PCSK5: variants seen among roughly 807,000 people sequenced by gnomAD.
PCSK5 encodes proprotein convertase subtilisin/kexin type 5.
Under a neutral mutation model 233.2 loss-of-function variants are expected in PCSK5, and 129 were observed. The observed-to-expected ratio is 0.55, with a 90% CI of 0.48 to 0.64. PCSK5 has a LOEUF of 0.64. PCSK5 is among the 30% of genes least tolerant of loss of function. The pLI is 0.00. For synonymous variants in PCSK5, 825 were observed against 879.2 expected (o/e 0.94, Z 1.09); for missense variants, 2,076 against 2,430.1 (o/e 0.85, Z 3.06).
intron 1 of PCSK5, among the ~76,000 whole-genome samples, chr9:75,905,646 A>AG (rs1197671830): frequency 1.3e-5 from 2 of 152,192 alleles, no homozygotes; most frequent in African/African-American, 4.8e-5. Context: ...GTGGCCTGTT[A>AG]GGAACCAGGC....
At chr9:75,941,790 G>C (rs767916677) in intron 2 of PCSK5, among the ~76,000 whole-genome samples, 1 of 152,090 alleles carries the variant, frequency 6.6e-6, no homozygotes, top group Admixed American at 6.5e-5. Flanking sequence ...TGTGGGTGCC[G>C]GGTCCACTGT....
intron 22 of PCSK5, among the ~76,000 whole-genome samples, chr9:76,236,299 A>G (rs1226846877): frequency 6.6e-6 from 1 of 152,130 alleles, no homozygotes; most frequent in Admixed American, 6.5e-5. Context: ...GACATCCAAT[A>G]TCATCATGCT....
intron 20 of PCSK5, among the ~76,000 whole-genome samples, chr9:76,220,807 A>G (rs966632189): frequency 6.6e-6 from 1 of 152,162 alleles, no homozygotes; most frequent in African/African-American, 2.4e-5. Flanking sequence ...TTTCAAGTAC[A>G]TGATACATTG....
chr9:75,976,311 C>A (rs189874580), intron 2 of PCSK5, among the ~76,000 whole-genome samples: 5 of 104,214 alleles, frequency 4.8e-5, no homozygotes, highest in African/African-American at 1.5e-4. Flanking sequence ...CACACACACA[C>A]ACACACACAC....
intron 5 of PCSK5, among the ~76,000 whole-genome samples, chr9:76,027,937 C>T (rs576651518): frequency 5.3e-5 from 8 of 152,264 alleles, no homozygotes; most frequent in African/African-American, 1.9e-4. Context: ...TTCTAATCTG[C>T]TTTTTTCTTT....
intron 20 of PCSK5, among the ~76,000 whole-genome samples, chr9:76,208,684 T>A (rs939136972): frequency 2.6e-5 from 4 of 152,228 alleles, no homozygotes; most frequent in Non-Finnish European, 5.9e-5. Flanking sequence ...TTTAACTCTC[T>A]AATCTTTGCA....
At chr9:76,095,512 T>C (rs1361308394) in intron 7 of PCSK5, among the ~76,000 whole-genome samples, 2 of 152,186 alleles carry the variant, frequency 1.3e-5, no homozygotes, top group Admixed American at 1.3e-4. Flanking sequence ...CTTAACTTCC[T>C]TTTAAAAAAA....
Position 76,350,872 on chromosome 9 carries a change from C to T in PCSK5, c.5011C>T (p.Leu1671Phe). The T allele has an allele frequency of 5.0e-6, 8 of 1,609,998 alleles. No homozygotes were observed. Among genetic ancestry groups the T allele is most frequent in the Non-Finnish European group, 6.8e-6 (8 of 1,177,786 alleles). ...TTTATCCTGTGTGTGGAGTTACCAC[C>T]TCATGGGAGGGATCTGCACCTCGGA... ...NCLSCVWSYH[L>F]MGGICTSDCL... Residue 1671 changes from leucine to phenylalanine, a missense_variant, in exon 36 of 38, where the codon CTC (leucine) becomes TTC (phenylalanine). Transcript: ENST00000674117.
chr9:76,214,618 C>T (rs1027678090), intron 20 of PCSK5, among the ~76,000 whole-genome samples: 4 of 152,160 alleles, frequency 2.6e-5, no homozygotes, highest in African/African-American at 9.7e-5. Context: ...TATACAATGC[C>T]TTTCTCCCAA....
At chr9:75,959,408 G>A (rs753726509) in intron 2 of PCSK5, among the ~76,000 whole-genome samples, 23 of 152,138 alleles carry the variant, frequency 1.5e-4, no homozygotes, top group Admixed American at 1.0e-3. Flanking sequence ...TGTCACAGAC[G>A]GCTGCTTGTT....
At position 76,310,861 on chromosome 9, in the gene PCSK5, C is replaced by T. The variant is rs745394900; in HGVS notation, c.3884+10C>T. On this transcript the variant is annotated intron_variant, in intron 30 of 37. Coordinates refer to ENST00000674117, the MANE Select transcript of PCSK5 (RefSeq NM_001372043.1). ...ACTCCAAGTGCCCGGAGTAAGTTTC[C>T]TTTTTAATTTTACTTCCTGCTTGTA... The T allele has an allele frequency of 6.5e-7, 1 of 1,543,754 alleles. No homozygotes were observed. Among genetic ancestry groups the T allele is most frequent in the South Asian group, 1.2e-5 (1 of 82,104 alleles).
chr9:76,318,470 AAAAAAAG>A (rs1176880190), intron 30 of PCSK5, among the ~76,000 whole-genome samples: 1 of 151,900 alleles, frequency 6.6e-6, no homozygotes, highest in African/African-American at 2.4e-5. Context: ...AAAGTATAAA[AAAAAAAG>A]AAAAAAGAAA....
intron 5 of PCSK5, among the ~76,000 whole-genome samples, chr9:76,057,667 A>C (rs895493535): frequency 1.3e-5 from 2 of 152,202 alleles, no homozygotes; most frequent in Admixed American, 1.3e-4. Flanking sequence ...ACTCAGGAAC[A>C]GTCACTACGT....
intron 2 of PCSK5, among the ~76,000 whole-genome samples, chr9:75,985,505 TA>T (rs879512662): frequency 5.3e-4 from 77 of 146,434 alleles, no homozygotes; most frequent in East Asian, 9.9e-4. Context: ...AGAAAGCCAT[TA>T]AAAAAAAAAA....
chr9:76,058,545 T>A (rs1343292350), intron 5 of PCSK5, among the ~76,000 whole-genome samples: 3 of 152,158 alleles, frequency 2.0e-5, no homozygotes, highest in Admixed American at 2.0e-4. Context: ...CAGCCCAAAT[T>A]TTAAATGTGG....
At chr9:75,901,744 C>T (rs1433073570) in intron 1 of PCSK5, among the ~76,000 whole-genome samples, 1 of 151,648 alleles carries the variant, frequency 6.6e-6, no homozygotes, top group African/African-American at 2.4e-5. Flanking sequence ...ATGCTGATAA[C>T]AATTAATGAT....
chr9:75,989,806 A>G (rs1362869594), intron 3 of PCSK5, among the ~76,000 whole-genome samples: 2 of 152,150 alleles, frequency 1.3e-5, no homozygotes, highest in African/African-American at 4.8e-5. Flanking sequence ...CTCAGAAGTC[A>G]CAGACCCTTA....
intron 31 of PCSK5, among the ~76,000 whole-genome samples, chr9:76,322,486 T>C (rs543937848): frequency 6.6e-6 from 1 of 152,356 alleles, no homozygotes; most frequent in South Asian, 2.1e-4. Context: ...TAACTGGTGC[T>C]GTCCTATCCA....
intron 7 of PCSK5, 53 bp from the exon 8 acceptor site, chr9:76,095,837 C>T (rs377142526): frequency 6.5e-7 from 1 of 1,540,520 alleles, no homozygotes; most frequent in African/African-American, 1.4e-5. Flanking sequence ...ATTCTGACCT[C>T]TTCATTTAGA....
Sources: allele counts gnomAD v4.1 joint callset (sites outside exome capture counted in the v4.1 genomes callset), GRCh38; gene constraint gnomAD v4.1.1; transcripts MANE v1.5; gene names NCBI Gene and HGNC (gene_info 2026-07-23, HGNC 2026-07-21).